ESR1: variants seen among roughly 807,000 people sequenced by gnomAD.
ESR1 encodes the protein estrogen receptor.
A neutral mutation model predicts 52.7 loss-of-function variants in ESR1; 12 were observed. That is an observed-to-expected ratio of 0.23 (90% CI 0.15 to 0.37). The LOEUF (loss-of-function observed/expected upper bound fraction) is 0.37, where lower values mean the gene tolerates loss of function less well. Ranked by LOEUF, ESR1 falls within the 10% of genes least tolerant of loss-of-function variation. The pLI is 1.00. For synonymous variants in ESR1, 305 were observed against 316.8 expected (o/e 0.96, Z 0.39); for missense variants, 584 against 779.7 (o/e 0.75, Z 2.99).
At chr6:151,810,294 A>G (rs35370957) in intron 1 of ESR1, among the ~76,000 whole-genome samples, 3,627 of 152,230 alleles carry the variant, frequency 0.024, 56 homozygotes, top group African/African-American at 0.046. Context: ...TAAAAAAAAA[A>G]CTTGCACAAA....
At chr6:151,726,444 G>C (rs1781847608) in intron 2 of ESR1, among the ~76,000 whole-genome samples, 1 of 151,816 alleles carries the variant, frequency 6.6e-6, no homozygotes, top group Non-Finnish European at 1.5e-5. Flanking sequence ...CCATTCTCCT[G>C]CCTCAGCCTC....
intron 2 of ESR1, among the ~76,000 whole-genome samples, chr6:151,725,015 A>G (rs1781735975): frequency 6.6e-6 from 1 of 152,196 alleles, no homozygotes; most frequent in Non-Finnish European, 1.5e-5. Flanking sequence ...GAACACATTC[A>G]TTGACATTCT....
chr6:151,866,336 CT>C (rs1051307911), intron 2 of ESR1, among the ~76,000 whole-genome samples: 2 of 150,990 alleles, frequency 1.3e-5, no homozygotes, highest in Admixed American at 6.6e-5. Context: ...GTAGTTATTT[CT>C]TTTTTTTTGC....
Position 151,904,396 on chromosome 6 carries a change from T to G in ESR1, c.760+23625T>G, listed in dbSNP as rs576587539. Among the ~76,000 whole-genome samples the G allele has an allele frequency of 7.2e-5, 11 of 152,336 alleles. No individual in the cohort carries two copies. In the South Asian group the frequency reaches 2.3e-3, roughly 32 times the overall value. ...GACACTGCTATATAGATATTTATCT[T>G]GGGAAGTTCTCAGTGTAACATCTTT... On this transcript the variant is annotated intron_variant, in intron 3 of 7. Transcript: ENST00000206249.
chr6:152,087,981 A>G (rs1028432309), intron 6 of ESR1, among the ~76,000 whole-genome samples: 6 of 152,194 alleles, frequency 3.9e-5, no homozygotes, highest in Non-Finnish European at 7.3e-5. Context: ...AAACCTTAAG[A>G]GAAAAAATCT....
intron 4 of ESR1, among the ~76,000 whole-genome samples, chr6:151,990,071 G>A (rs1358871355): frequency 6.6e-6 from 1 of 151,966 alleles, no homozygotes; most frequent in African/African-American, 2.4e-5. Context: ...AATTAGTAAT[G>A]TTAATAAATG....
chr6:151,850,096 TTA>T lies in ESR1; in HGVS notation c.643+7320_643+7321del, dbSNP rs1331244413. The stretch of plus-strand genomic sequence containing the variant: ...TATAAAAAATTATATATATATAATT[TTA>T]TATATATATACAAAATTATATATAT... On this transcript the variant is annotated intron_variant, in intron 2 of 7. Transcript: ENST00000206249. Among the ~76,000 whole-genome samples the T allele has an allele frequency of 9.0e-3, 52 of 5,790 alleles. 3 individuals are homozygous for T. Among genetic ancestry groups the T allele is most frequent in the African/African-American group, 0.018 (28 of 1,592 alleles). The allele number at this position is 5,790 out of a possible 152,430, so 3.8% of individuals were successfully genotyped here. A position where few individuals can be genotyped will look rare whatever the true frequency, so the allele number is the denominator to read the frequency against.
rs185589522 is a variant in ESR1 at position 151,786,543 on chromosome 6, A to C, written c.-70-21300A>C. Among the ~76,000 whole-genome samples, 879 of 152,324 alleles carry C rather than the reference A, an allele frequency of 5.8e-3. 24 individuals carry two copies. Among genetic ancestry groups the C allele is most frequent in the Admixed American group, 0.045 (695 of 15,300 alleles). ...ACGCTTTTAAATGTCAACAACAAACAAACGTTTATATACACAAATGTTGCT... is the reference window on the plus strand; with the variant it reads ...ACGCTTTTAAATGTCAACAACAAACCAACGTTTATATACACAAATGTTGCT... On this transcript the variant is annotated intron_variant, in intron 2 of 2. Coordinates refer to the ESR1 transcript ENST00000404742.
At chr6:152,107,190 C>T (rs1165955306), downstream of ESR1, among the ~76,000 whole-genome samples, 1 of 151,446 alleles carries the variant, frequency 6.6e-6, no homozygotes, top group Non-Finnish European at 1.5e-5. Flanking sequence ...TGTTTTTCCC[C>T]CTTCATCTCT....
At chr6:152,044,664 G>A (rs921934019) in intron 5 of ESR1, among the ~76,000 whole-genome samples, 3 of 152,194 alleles carry the variant, frequency 2.0e-5, no homozygotes, top group African/African-American at 7.2e-5. Flanking sequence ...GTAGTCCAAT[G>A]TTCGAGGCCA....
At chr6:151,917,593 C>A (rs1234842518) in intron 3 of ESR1, among the ~76,000 whole-genome samples, 2 of 152,150 alleles carry the variant, frequency 1.3e-5, no homozygotes, top group African/African-American at 4.8e-5. Flanking sequence ...GTTACTTGAT[C>A]TAGGCCTTGA....
intron 6 of ESR1, among the ~76,000 whole-genome samples, chr6:152,109,350 C>T (rs1395248359): frequency 2.0e-5 from 3 of 152,070 alleles, no homozygotes; most frequent in Non-Finnish European, 4.4e-5. Flanking sequence ...GTTTTAAGTT[C>T]ACATTCGTGG....
upstream of ESR1, among the ~76,000 whole-genome samples, chr6:151,801,329 A>G: frequency 6.6e-6 from 1 of 152,258 alleles, no homozygotes; most frequent in East Asian, 1.9e-4. Flanking sequence ...CAACATAGGT[A>G]CATTATATAA....
At chr6:151,740,285 A>ATTTTTTTTTTTTTTT (rs386408967) in intron 2 of ESR1, among the ~76,000 whole-genome samples, 3 of 108,008 alleles carry the variant, frequency 2.8e-5, no homozygotes, top group Non-Finnish European at 5.4e-5. Flanking sequence ...TGCCTGGCTA[A>ATTTTTTTTTTTTTTT]TTTTTTTTTT....
intron 1 of ESR1, 22 bp downstream of exon 1, chr6:151,808,386 G>A (rs1281473913): frequency 1.4e-6 from 2 of 1,443,708 alleles, no homozygotes; most frequent in Admixed American, 2.7e-5. Flanking sequence ...CGCGCCGCCC[G>A]TCGGGGTGGC....
chr6:152,111,639 T>C (rs2051137206), intron 6 of ESR1, among the ~76,000 whole-genome samples: 1 of 152,166 alleles, frequency 6.6e-6, no homozygotes, highest in South Asian at 2.1e-4. Context: ...TTTCCACATT[T>C]CCAACCAGAA....
chr6:152,048,233 G>A (rs765076683), intron 5 of ESR1, among the ~76,000 whole-genome samples: 49 of 151,752 alleles, frequency 3.2e-4, no homozygotes, highest in Admixed American at 7.2e-4. Context: ...TTAGCCAGGC[G>A]TGGTGGCATG....
intron 4 of ESR1, among the ~76,000 whole-genome samples, chr6:151,959,793 A>G (rs899687908): frequency 3.3e-5 from 5 of 152,184 alleles, no homozygotes; most frequent in African/African-American, 9.7e-5. Context: ...CCACTGTAAT[A>G]TTTAAGATTT....
At chr6:152,070,058 G>T (rs1431802910) in intron 6 of ESR1, among the ~76,000 whole-genome samples, 1 of 137,706 alleles carries the variant, frequency 7.3e-6, no homozygotes, top group Non-Finnish European at 1.5e-5. Flanking sequence ...GTCTCATCAA[G>T]TCACTGGACC....
Sources: allele counts gnomAD v4.1 joint callset (sites outside exome capture counted in the v4.1 genomes callset), GRCh38; gene constraint gnomAD v4.1.1; transcripts MANE v1.5; gene names NCBI Gene and HGNC (gene_info 2026-07-23, HGNC 2026-07-21).